Variants in CTNNA2 observed in about 807,000 individuals in gnomAD.
The protein encoded by CTNNA2 is catenin alpha-2.
CTNNA2 carries 42 observed loss-of-function variants against 101.0 expected under a neutral mutation model. The ratio of observed to expected loss-of-function variants is 0.42; its 90% CI spans 0.32 to 0.54. The LOEUF (loss-of-function observed/expected upper bound fraction) is 0.54. Ranked by LOEUF, CTNNA2 falls within the 20% of genes least tolerant of loss-of-function variation. The pLI, the probability that CTNNA2 is intolerant of heterozygous loss-of-function variation, is 0.14. For missense variants in CTNNA2, 871 were observed against 1,223.1 expected, an observed-to-expected ratio of 0.71 and a Z score of 4.29; for synonymous variants, 450 against 456.4, an observed-to-expected ratio of 0.99 and a Z score of 0.18.
intron 7 of CTNNA2, among the ~76,000 whole-genome samples, chr2:80,345,089 C>G (rs1206091599): frequency 2.0e-5 from 3 of 152,200 alleles, no homozygotes; most frequent in Non-Finnish European, 4.4e-5. Context: ...CTATTCTCAA[C>G]ACAATAGCCA....
intron 7 of CTNNA2, among the ~76,000 whole-genome samples, chr2:79,955,040 G>C (rs1391937142): frequency 6.6e-6 from 1 of 152,062 alleles, no homozygotes; most frequent in Non-Finnish European, 1.5e-5. Flanking sequence ...TAATTTCTTG[G>C]ACATCATTTC....
chr2:79,638,602 C>T lies in CTNNA2; in HGVS notation c.-5-12950C>T, dbSNP rs574947579. Reference sequence around the variant, plus strand: ...CACTTACTGTAGCTGCCACTGGATGCAAAGCAGTACCTGTTTACTTTAGAT... The same window carrying T: ...CACTTACTGTAGCTGCCACTGGATGTAAAGCAGTACCTGTTTACTTTAGAT... On this transcript the variant is annotated intron_variant, in intron 1 of 18. Transcript: ENST00000402739. Among the ~76,000 whole-genome samples, 5 of 152,282 alleles carry T rather than the reference C, an allele frequency of 3.3e-5. No homozygotes were observed. In the East Asian group the frequency reaches 9.7e-4, roughly 29 times the overall value.
At chr2:79,611,003 C>G (rs1678235832) in intron 1 of CTNNA2, among the ~76,000 whole-genome samples, 1 of 152,032 alleles carries the variant, frequency 6.6e-6, no homozygotes, top group African/African-American at 2.4e-5. Context: ...ATCATTACTG[C>G]AAATGGATAT....
intron 7 of CTNNA2, among the ~76,000 whole-genome samples, chr2:79,962,906 C>T (rs954234713): frequency 6.6e-6 from 1 of 151,870 alleles, no homozygotes; most frequent in Non-Finnish European, 1.5e-5. Flanking sequence ...CCCGTCTCTA[C>T]TAAAAATATA....
At chr2:80,392,528 A>G (rs1677610099) in intron 7 of CTNNA2, among the ~76,000 whole-genome samples, 1 of 152,182 alleles carries the variant, frequency 6.6e-6, no homozygotes, top group Non-Finnish European at 1.5e-5. Flanking sequence ...AAGCAAAGAA[A>G]TAGGAAACTA....
At chr2:80,220,163 G>A (rs376444371) in intron 7 of CTNNA2, among the ~76,000 whole-genome samples, 2 of 152,148 alleles carry the variant, frequency 1.3e-5, no homozygotes, top group South Asian at 2.1e-4. Flanking sequence ...AAAAGTTCAC[G>A]ATTTAAATGA....
intron 2 of CTNNA2, among the ~76,000 whole-genome samples, chr2:79,288,335 T>G (rs1488801896): frequency 6.6e-6 from 1 of 152,260 alleles, no homozygotes; most frequent in African/African-American, 2.4e-5. Context: ...CATCTCTGCA[T>G]AGTAAACTAC....
At chr2:79,302,606 T>C (rs1248996117) in intron 2 of CTNNA2, among the ~76,000 whole-genome samples, 1 of 152,154 alleles carries the variant, frequency 6.6e-6, no homozygotes, top group African/African-American at 2.4e-5. Context: ...TACTGACAAA[T>C]GTGACTGTAA....
intron 7 of CTNNA2, among the ~76,000 whole-genome samples, chr2:80,146,431 G>T (rs1386574345): frequency 1.3e-5 from 2 of 152,000 alleles, no homozygotes; most frequent in Non-Finnish European, 2.9e-5. Context: ...TGCTGATTAG[G>T]AAGTCCAGTC....
intron 17 of CTNNA2, among the ~76,000 whole-genome samples, chr2:80,610,340 G>T (rs1256209607): frequency 6.6e-6 from 1 of 151,588 alleles, no homozygotes; most frequent in Non-Finnish European, 1.5e-5. Flanking sequence ...TGCTTTCAAA[G>T]TTCTGAAAGA....
At chr2:79,822,213 T>C (rs60588521) in intron 3 of CTNNA2, among the ~76,000 whole-genome samples, 4,502 of 152,030 alleles carry the variant, frequency 0.03, 213 homozygotes, top group African/African-American at 0.1. Context: ...TGGTTAGTGA[T>C]TAATTAAAAG....
chr2:80,246,460 C>A (rs1671336982), intron 7 of CTNNA2, among the ~76,000 whole-genome samples: 1 of 152,094 alleles, frequency 6.6e-6, no homozygotes, highest in African/African-American at 2.4e-5. Flanking sequence ...GAAAACTGAA[C>A]AAATGAATTG....
chr2:80,072,136 A>T (rs1439823489), intron 7 of CTNNA2, among the ~76,000 whole-genome samples: 2 of 152,216 alleles, frequency 1.3e-5, no homozygotes. Context: ...GTCAACTCTT[A>T]GCCTGATATC....
chr2:80,357,825 C>T (rs1468898443), intron 7 of CTNNA2, among the ~76,000 whole-genome samples: 1 of 152,108 alleles, frequency 6.6e-6, no homozygotes, highest in Admixed American at 6.6e-5. Flanking sequence ...CATAGATTGT[C>T]AACAGCTACT....
At chr2:80,360,945 G>A (rs778941992) in intron 7 of CTNNA2, among the ~76,000 whole-genome samples, 47 of 151,910 alleles carry the variant, frequency 3.1e-4, no homozygotes, top group Non-Finnish European at 5.0e-4. Flanking sequence ...ATTATTAAAC[G>A]TATTATAGTG....
chr2:80,453,852 C>T (rs1683736932), intron 9 of CTNNA2, among the ~76,000 whole-genome samples: 1 of 152,132 alleles, frequency 6.6e-6, no homozygotes, highest in Non-Finnish European at 1.5e-5. Context: ...CACTGAATGT[C>T]AAGCTTTTTG....
chr2:80,044,156 G>T lies in CTNNA2; in HGVS notation c.1056+134359G>T, dbSNP rs115079835. On this transcript the variant is annotated intron_variant, in intron 7 of 18. Coordinates refer to ENST00000402739, the MANE Select transcript of CTNNA2 (RefSeq NM_001282597.3). ...TTATTGGTAATTTATAAAATGGATA[G>T]TAGAAGACAGGCTGATATATTAGTA... 8.6e-3 allele frequency among the ~76,000 whole-genome samples: 1,315 copies of T among 152,244 alleles called. 21 individuals are homozygous for T. The highest frequency in any genetic ancestry group is 0.03 in the African/African-American group (1,254 of 41,538).
At chr2:80,449,014 C>T (rs966645337) in intron 9 of CTNNA2, among the ~76,000 whole-genome samples, 66 of 152,216 alleles carry the variant, frequency 4.3e-4, no homozygotes, top group African/African-American at 1.6e-3. Context: ...AGGCATAGTC[C>T]TATGTATCCC....
chr2:79,595,742 T>G (rs543740592), intron 1 of CTNNA2, among the ~76,000 whole-genome samples: 1 of 151,874 alleles, frequency 6.6e-6, no homozygotes, highest in Non-Finnish European at 1.5e-5. Flanking sequence ...TCTGAATGGG[T>G]TTTTTCCTTA....
Sources: allele counts gnomAD v4.1 joint callset (sites outside exome capture counted in the v4.1 genomes callset), GRCh38; gene constraint gnomAD v4.1.1; transcripts MANE v1.5; gene names NCBI Gene and HGNC (gene_info 2026-07-23, HGNC 2026-07-21).